RSPO2: variants seen among roughly 807,000 people sequenced by gnomAD.
RSPO2 encodes R-spondin-2.
In RSPO2, 14 loss-of-function variants were observed where a neutral mutation model predicts 30.9. That is an observed-to-expected ratio of 0.45 (90% confidence interval 0.30 to 0.71). RSPO2 has a LOEUF of 0.71. Ranked by LOEUF, RSPO2 falls within the 30% of genes least tolerant of loss-of-function variation. The pLI is 0.08. For synonymous variants in RSPO2, 107 were observed against 96.4 expected (o/e 1.11, Z -0.64); for missense variants, 264 against 301.9 (o/e 0.87, Z 0.93).
intron 2 of RSPO2, among the ~76,000 whole-genome samples, chr8:108,049,800 T>C (rs1812023381): frequency 6.6e-6 from 1 of 152,162 alleles, no homozygotes; most frequent in Non-Finnish European, 1.5e-5. Context: ...ATCCAGTCTG[T>C]CATTAATGGG....
At chr8:108,032,268 A>C (rs1473448921) in intron 2 of RSPO2, among the ~76,000 whole-genome samples, 1 of 152,236 alleles carries the variant, frequency 6.6e-6, no homozygotes, top group Admixed American at 6.5e-5. Flanking sequence ...ATCACTATAC[A>C]TAAACATTTA....
chr8:108,002,501 C>T (rs1011572041), intron 2 of RSPO2, among the ~76,000 whole-genome samples: 53 of 152,228 alleles, frequency 3.5e-4, no homozygotes, highest in African/African-American at 1.2e-3. Context: ...AATTAAATTG[C>T]TTTTTTAAAA....
At chr8:107,978,030 TC>T (rs751592168) in intron 3 of RSPO2, among the ~76,000 whole-genome samples, 1 of 152,028 alleles carries the variant, frequency 6.6e-6, no homozygotes, top group Non-Finnish European at 1.5e-5. Context: ...AAACCTGAAC[TC>T]CTTTTGCTAT....
At position 108,067,986 on chromosome 8, in the gene RSPO2, T is replaced by C. The variant is rs569986997; in HGVS notation, c.94+14559A>G. On this transcript the variant is annotated intron_variant, in intron 2 of 5. Transcript: ENST00000276659. ...CAGGAGGCTGAGGCGGGAGAATCAC[T>C]TGAACCTGGGAGGCAGAGGTTGCAG... is the stretch of plus-strand genomic sequence containing the variant. Among the ~76,000 whole-genome samples the C allele has an allele frequency of 2.6e-5, 4 of 152,142 alleles. No individual in the cohort carries two copies. In the East Asian group the frequency reaches 7.7e-4, roughly 29 times the overall value.
intron 3 of RSPO2, among the ~76,000 whole-genome samples, chr8:107,975,349 C>T (rs1000992569): frequency 1.3e-5 from 2 of 152,160 alleles, no homozygotes; most frequent in East Asian, 1.9e-4. Flanking sequence ...TTCCAGGAAA[C>T]TTACAGTTCA....
intron 2 of RSPO2, among the ~76,000 whole-genome samples, chr8:108,034,490 G>C (rs1226237932): frequency 6.6e-6 from 1 of 152,188 alleles, no homozygotes; most frequent in Non-Finnish European, 1.5e-5. Flanking sequence ...TCAGAGATTT[G>C]CTTTAAAACG....
chr8:108,029,600 G>C (rs1288002737), intron 2 of RSPO2, among the ~76,000 whole-genome samples: 3 of 152,070 alleles, frequency 2.0e-5, no homozygotes, highest in Non-Finnish European at 4.4e-5. Flanking sequence ...CTACCACAAA[G>C]CTCTTACACT....
chr8:107,942,122 G>A (rs944452045), intron 5 of RSPO2, among the ~76,000 whole-genome samples: 3 of 152,124 alleles, frequency 2.0e-5, no homozygotes, highest in Non-Finnish European at 4.4e-5. Flanking sequence ...TCAGACAACA[G>A]CCCTGGTCTC....
intron 5 of RSPO2, among the ~76,000 whole-genome samples, chr8:107,931,706 G>A (rs917221256): frequency 1.3e-5 from 2 of 152,068 alleles, no homozygotes; most frequent in African/African-American, 2.4e-5. Context: ...TGTCAAAAGT[G>A]CATTCATCTA....
intron 5 of RSPO2, among the ~76,000 whole-genome samples, chr8:107,919,662 C>A (rs953805978): frequency 1.3e-5 from 2 of 152,096 alleles, no homozygotes; most frequent in South Asian, 2.1e-4. Context: ...CAGGAACTGA[C>A]TCAGCACAAG....
chr8:108,009,012 T>C (rs1197233369), intron 2 of RSPO2, among the ~76,000 whole-genome samples: 2 of 152,072 alleles, frequency 1.3e-5, no homozygotes, highest in African/African-American at 4.8e-5. Flanking sequence ...TGAAAAGATG[T>C]ACAATATATC....
chr8:108,036,780 CCTT>C (rs1468758195), intron 2 of RSPO2, among the ~76,000 whole-genome samples: 4 of 152,092 alleles, frequency 2.6e-5, no homozygotes, highest in African/African-American at 9.7e-5. Context: ...GCATGAGCTC[CCTT>C]CTTCTGTCAC....
At chr8:107,912,004 T>G (rs1811842405) in intron 5 of RSPO2, among the ~76,000 whole-genome samples, 1 of 152,018 alleles carries the variant, frequency 6.6e-6, no homozygotes, top group Non-Finnish European at 1.5e-5. Flanking sequence ...ATTCCTCAAA[T>G]CAGTTATTCC....
At chr8:108,049,709 C>T (rs539046324) in intron 2 of RSPO2, among the ~76,000 whole-genome samples, 2 of 151,990 alleles carry the variant, frequency 1.3e-5, no homozygotes, top group Admixed American at 6.5e-5. Context: ...CAGGTTCATC[C>T]ATGTCCCTGC....
intron 2 of RSPO2, among the ~76,000 whole-genome samples, chr8:108,031,184 T>C (rs2130634594): frequency 6.6e-6 from 1 of 152,364 alleles, no homozygotes; most frequent in South Asian, 2.1e-4. Flanking sequence ...ATCATGGTGT[T>C]ATAGGCTTGA....
At chr8:108,034,537 A>T (rs771522357) in intron 2 of RSPO2, among the ~76,000 whole-genome samples, 9 of 152,250 alleles carry the variant, frequency 5.9e-5, no homozygotes, top group Admixed American at 2.6e-4. Flanking sequence ...CAGATGAAGC[A>T]TATACAGAAA....
At chr8:108,033,957 A>C (rs944863746) in intron 2 of RSPO2, among the ~76,000 whole-genome samples, 1 of 152,242 alleles carries the variant, frequency 6.6e-6, no homozygotes, top group African/African-American at 2.4e-5. Context: ...AAGAGCAATC[A>C]AAACAGTAAT....
intron 2 of RSPO2, among the ~76,000 whole-genome samples, chr8:108,056,649 G>GA (rs1480720621): frequency 7.3e-6 from 1 of 136,280 alleles, no homozygotes; most frequent in East Asian, 2.1e-4. Flanking sequence ...AAAAAGAAAA[G>GA]AAAAGAAAAA....
chr8:108,052,144 C>T (rs1295275499), intron 2 of RSPO2, among the ~76,000 whole-genome samples: 1 of 152,056 alleles, frequency 6.6e-6, no homozygotes, highest in Non-Finnish European at 1.5e-5. Flanking sequence ...ATATAGAAAG[C>T]CAGGAAATTA....
Sources: allele counts gnomAD v4.1 joint callset (sites outside exome capture counted in the v4.1 genomes callset), GRCh38; gene constraint gnomAD v4.1.1; transcripts MANE v1.5; gene names NCBI Gene and HGNC (gene_info 2026-07-23, HGNC 2026-07-21).